GRM7: variants seen among roughly 807,000 people sequenced by gnomAD.
GRM7 encodes the protein metabotropic glutamate receptor 7.
Under a neutral mutation model 84.5 loss-of-function variants are expected in GRM7, and 35 were observed. The observed-to-expected ratio is 0.41, with a 90% CI of 0.32 to 0.55. The LOEUF is 0.55. GRM7 is among the 20% of genes least tolerant of loss of function. GRM7 has a pLI of 0.19. For synonymous variants in GRM7, 487 were observed against 455.1 expected (o/e 1.07, Z -0.89); for missense variants, 1,003 against 1,194.6 (o/e 0.84, Z 2.36).
intron 7 of GRM7, among the ~76,000 whole-genome samples, chr3:7,568,924 C>A (rs956732060): frequency 6.6e-6 from 1 of 152,118 alleles, no homozygotes; most frequent in African/African-American, 2.4e-5. Flanking sequence ...CGAGCGCCGC[C>A]CCCTGCTCCA....
At chr3:7,099,803 T>C (rs577857029) in intron 1 of GRM7, among the ~76,000 whole-genome samples, 6 of 114,136 alleles carry the variant, frequency 5.3e-5, no homozygotes, top group Admixed American at 8.7e-5. Flanking sequence ...CATGTATATG[T>C]ACACGCATTA....
intron 8 of GRM7, among the ~76,000 whole-genome samples, chr3:7,671,230 C>T (rs768794692): frequency 7.2e-5 from 11 of 152,144 alleles, no homozygotes; most frequent in Non-Finnish European, 1.5e-4. Flanking sequence ...TCAGTAGTGA[C>T]TTTCCTGGAA....
chr3:6,984,952 A>G (rs537263170), intron 1 of GRM7, among the ~76,000 whole-genome samples: 1 of 152,160 alleles, frequency 6.6e-6, no homozygotes, highest in African/African-American at 2.4e-5. Context: ...AAAGCAGTCC[A>G]TTTCAGTTCC....
intron 8 of GRM7, among the ~76,000 whole-genome samples, chr3:7,583,261 G>A (rs190497292): frequency 6.6e-6 from 1 of 152,296 alleles, no homozygotes; most frequent in East Asian, 1.9e-4. Flanking sequence ...CGGTATTTTT[G>A]TGGGGCTGAG....
chr3:6,935,694 T>TTAC (rs1329162691), intron 1 of GRM7, among the ~76,000 whole-genome samples: 1 of 148,080 alleles, frequency 6.8e-6, no homozygotes, highest in East Asian at 2.0e-4. Context: ...ATTATTATTA[T>TTAC]TATTATTATT....
rs138181251 is a variant in GRM7, at chr3:7,364,686, A to C, written c.1034-50337A>C. On this transcript the variant is annotated intron_variant, in intron 4 of 9. Transcript: ENST00000357716. ...TATCCATGTTTGACTTAAAAATTAA[A>C]AGTTGTTTGGTGTTATTCTTATCTT... Among the ~76,000 whole-genome samples the C allele has an allele frequency of 8.0e-3, 1,216 of 151,968 alleles. 18 individuals carry two copies. Among genetic ancestry groups the C allele is most frequent in the African/African-American group, 0.027 (1,135 of 41,536 alleles).
chr3:7,061,171 C>T (rs1257297703), intron 1 of GRM7, among the ~76,000 whole-genome samples: 1 of 151,716 alleles, frequency 6.6e-6, no homozygotes, highest in African/African-American at 2.4e-5. Context: ...CTCCATAAGG[C>T]TGTTCATACA....
intron 8 of GRM7, among the ~76,000 whole-genome samples, chr3:7,585,883 C>G (rs1410947390): frequency 6.6e-6 from 1 of 152,102 alleles, no homozygotes; most frequent in Non-Finnish European, 1.5e-5. Context: ...AGGGGACTGC[C>G]AAATTCTCGG....
rs371020148 is a variant in GRM7 at position 7,301,329 on chromosome 3, C to T, written c.878+2504C>T. Among the ~76,000 whole-genome samples the T allele has an allele frequency of 1.1e-3, 162 of 152,258 alleles. 1 individual carries two copies. The highest frequency in any genetic ancestry group is 3.6e-3 in the African/African-American group (151 of 41,566). ...TCTTACAACATTATTTTCCTCACTT[C>T]GTATTTTAGGTTTCTATGAGATTTT... On this transcript the variant is annotated intron_variant, in intron 3 of 9. Transcript: ENST00000357716.
chr3:7,002,165 T>G (rs1467808051), intron 1 of GRM7, among the ~76,000 whole-genome samples: 1 of 152,168 alleles, frequency 6.6e-6, no homozygotes, highest in East Asian at 1.9e-4. Context: ...GATTGAATTA[T>G]TAGGAATTAT....
At position 7,238,996 on chromosome 3, in the gene GRM7, C is replaced by CTTTTTTTTTTTTTTTTTTTTTTTTTT. The variant is rs567509392; in HGVS notation, c.737-59688_737-59687insTTTTTTTTTTTTTTTTTTTTTTTTTT. 3.4e-5 allele frequency among the ~76,000 whole-genome samples: 4 copies of CTTTTTTTTTTTTTTTTTTTTTTTTTT among 118,356 alleles called. 1 individual carries two copies. The highest frequency in any genetic ancestry group is 6.6e-5 in the African/African-American group (2 of 30,394). 77.6% of individuals were successfully genotyped at this position (118,356 alleles called of 152,430 possible). A position where few individuals can be genotyped will look rare whatever the true frequency, so the allele number is the denominator to read the frequency against. On this transcript the variant is annotated intron_variant, in intron 2 of 9. Coordinates refer to ENST00000357716, the MANE Select transcript of GRM7 (RefSeq NM_000844.4). ...TTCTTTTCCCTTTCTTTTCTTTTTTCCTTTTTCTTTTTTTTGACATGGTCT... is the reference window on the plus strand; with the variant it reads ...TTCTTTTCCCTTTCTTTTCTTTTTTCTTTTTTTTTTTTTTTTTTTTTTTTTTCTTTTTCTTTTTTTTGACATGGTCT...
chr3:6,943,199 G>A (rs1456455758), intron 1 of GRM7, among the ~76,000 whole-genome samples: 2 of 151,596 alleles, frequency 1.3e-5, no homozygotes, highest in Non-Finnish European at 3.0e-5. Context: ...AAAAACTGAA[G>A]TTTTCAGTTG....
chr3:7,173,406 T>G (rs985885219), intron 2 of GRM7, among the ~76,000 whole-genome samples: 2 of 151,944 alleles, frequency 1.3e-5, no homozygotes, highest in Admixed American at 1.3e-4. Context: ...ACCCCATCCC[T>G]CTTTTGGTGG....
chr3:7,005,711 C>T (rs1291240340), intron 1 of GRM7, among the ~76,000 whole-genome samples: 1 of 152,134 alleles, frequency 6.6e-6, no homozygotes, highest in Non-Finnish European at 1.5e-5. Context: ...TTCAAAAATC[C>T]AGGCTTACTT....
At chr3:7,663,779 G>A (rs907426956) in intron 8 of GRM7, among the ~76,000 whole-genome samples, 1 of 152,120 alleles carries the variant, frequency 6.6e-6, no homozygotes, top group African/African-American at 2.4e-5. Context: ...AGACTCAAAG[G>A]CAAGGTGAAG....
chr3:7,411,954 C>T (rs1474757902), intron 4 of GRM7, among the ~76,000 whole-genome samples: 1 of 151,954 alleles, frequency 6.6e-6, no homozygotes, highest in South Asian at 2.1e-4. Flanking sequence ...CAATGCCTCT[C>T]TCTTCTCTCT....
intron 2 of GRM7, among the ~76,000 whole-genome samples, chr3:7,253,012 T>A (rs1285213171): frequency 1.4e-5 from 1 of 70,808 alleles, no homozygotes; most frequent in Non-Finnish European, 2.4e-5. Context: ...TGGCTTTTCT[T>A]AAAAAAAAAA....
chr3:7,270,817 G>C (rs1255616082), intron 2 of GRM7, among the ~76,000 whole-genome samples: 2 of 152,168 alleles, frequency 1.3e-5, no homozygotes, highest in African/African-American at 2.4e-5. Context: ...GGTGGAAGTC[G>C]GTGGTTTAAA....
intron 1 of GRM7, among the ~76,000 whole-genome samples, chr3:7,081,988 C>CATTG (rs1478940831): frequency 6.6e-6 from 1 of 152,102 alleles, no homozygotes; most frequent in African/African-American, 2.4e-5. Flanking sequence ...CTTAAAAATG[C>CATTG]ATTGCCATCA....
Sources: gnomAD v4.1 joint callset for allele counts (sites outside exome capture counted in the v4.1 genomes callset) on GRCh38, gnomAD v4.1.1 for gene constraint, MANE v1.5 for transcripts, NCBI Gene and HGNC (gene_info 2026-07-23, HGNC 2026-07-21) for gene names.